The following UNC13C variants were observed in gnomAD, a reference collection of about 807,000 sequenced individuals.
UNC13C encodes protein unc-13 homolog C.
A neutral mutation model predicts 245.4 loss-of-function variants in UNC13C; 174 were observed. The observed-to-expected ratio is 0.71, with a 90% CI of 0.63 to 0.80. UNC13C has a LOEUF of 0.80. UNC13C is among the 30% of genes least tolerant of loss of function. The pLI is 0.00. For synonymous variants in UNC13C, 992 were observed against 895.1 expected (o/e 1.11, Z -1.93); for missense variants, 2,829 against 2,602.9 (o/e 1.09, Z -1.89).
chr15:54,255,224 G>A (rs1417730742), intron 8 of UNC13C, among the ~76,000 whole-genome samples: 1 of 152,168 alleles, frequency 6.6e-6, no homozygotes, highest in Non-Finnish European at 1.5e-5. Context: ...CGCAAGGACA[G>A]AGGGCTTTCT....
At chr15:54,549,064 A>G (rs1021344998) in intron 27 of UNC13C, among the ~76,000 whole-genome samples, 2 of 152,200 alleles carry the variant, frequency 1.3e-5, no homozygotes, top group Admixed American at 6.5e-5. Flanking sequence ...TTCCAGTCAC[A>G]TACACCAACA....
At chr15:54,399,692 G>T (rs2040142629) in intron 18 of UNC13C, among the ~76,000 whole-genome samples, 1 of 151,792 alleles carries the variant, frequency 6.6e-6, no homozygotes, top group Admixed American at 6.6e-5. Flanking sequence ...CATTTGCAAG[G>T]ATAAAATCTG....
intron 25 of UNC13C, among the ~76,000 whole-genome samples, chr15:54,527,446 T>C (rs547446227): frequency 2.1e-4 from 32 of 152,298 alleles, no homozygotes; most frequent in Admixed American, 1.7e-3. Flanking sequence ...GAAAATAAGA[T>C]GACTAAACAG....
chr15:54,349,849 T>G (rs951664969), intron 17 of UNC13C, among the ~76,000 whole-genome samples: 2 of 152,114 alleles, frequency 1.3e-5, no homozygotes, highest in Non-Finnish European at 2.9e-5. Flanking sequence ...TAAAATGTAG[T>G]GGGTACATAT....
chr15:53,855,733 G>A, the UNC13C span, among the ~76,000 whole-genome samples: 4 of 152,154 alleles, frequency 2.6e-5, no homozygotes, highest in South Asian at 6.2e-4. Context: ...GTTGGTGAAA[G>A]ATATTGGCCT....
At chr15:53,886,273 C>T in the UNC13C span, among the ~76,000 whole-genome samples, 16 of 152,044 alleles carry the variant, frequency 1.1e-4, no homozygotes, top group Admixed American at 1.0e-3. Context: ...AGGACTGGGG[C>T]ATATACAAGA....
chr15:54,472,777 T>C (rs979460114), intron 19 of UNC13C, among the ~76,000 whole-genome samples: 7 of 151,968 alleles, frequency 4.6e-5, no homozygotes, highest in African/African-American at 1.4e-4. Context: ...ATAGACGTTC[T>C]CACATATATA....
chr15:54,534,720 A>G (rs1424406488), intron 26 of UNC13C, among the ~76,000 whole-genome samples: 2 of 152,194 alleles, frequency 1.3e-5, no homozygotes, highest in Non-Finnish European at 2.9e-5. Flanking sequence ...CAAAATAGCC[A>G]TTTTAAGAAA....
At chr15:54,293,832 T>C in intron 10 of UNC13C, 63 bp from the exon 11 acceptor site, 2 of 1,339,016 alleles carry the variant, frequency 1.5e-6, no homozygotes, top group East Asian at 2.7e-5. Flanking sequence ...AATAAAGTAC[T>C]AACATCAAAT....
intron 13 of UNC13C, among the ~76,000 whole-genome samples, chr15:54,317,238 G>A (rs1285474410): frequency 1.3e-5 from 2 of 151,880 alleles, no homozygotes; most frequent in African/African-American, 2.4e-5. Context: ...TAACTTTTCT[G>A]TGAATAACAT....
the UNC13C span, among the ~76,000 whole-genome samples, chr15:53,890,499 T>A: frequency 9.8e-4 from 149 of 152,310 alleles, 1 homozygote; most frequent in African/African-American, 3.4e-3. Flanking sequence ...GGTCCTGGAC[T>A]TTTTTGGGTT....
At chr15:54,314,652 G>C (rs1024801072) in intron 13 of UNC13C, among the ~76,000 whole-genome samples, 8 of 151,628 alleles carry the variant, frequency 5.3e-5, no homozygotes, top group Non-Finnish European at 1.5e-5. Flanking sequence ...TTAGACTTCA[G>C]AAACATTGGC....
At chr15:54,279,732 C>T (rs1222612841) in intron 10 of UNC13C, among the ~76,000 whole-genome samples, 3 of 152,106 alleles carry the variant, frequency 2.0e-5, no homozygotes, top group African/African-American at 7.2e-5. Context: ...TTTTCTCTGG[C>T]AAGAAATATT....
At chr15:54,107,315 G>A (rs1465675786) in intron 2 of UNC13C, among the ~76,000 whole-genome samples, 1 of 152,036 alleles carries the variant, frequency 6.6e-6, no homozygotes, top group African/African-American at 2.4e-5. Flanking sequence ...ACAAAAAAAT[G>A]TATTTTAAAT....
chr15:54,116,973 G>A (rs186602355), intron 2 of UNC13C, among the ~76,000 whole-genome samples: 5 of 152,194 alleles, frequency 3.3e-5, no homozygotes, highest in Admixed American at 2.6e-4. Flanking sequence ...GTTTTAGCTA[G>A]GGTAAGATGA....
the UNC13C span, among the ~76,000 whole-genome samples, chr15:53,843,822 T>C: frequency 3.9e-5 from 6 of 152,184 alleles, no homozygotes; most frequent in Non-Finnish European, 7.4e-5. Context: ...AAGTCACTAG[T>C]GAGAGGAAGT....
intron 26 of UNC13C, among the ~76,000 whole-genome samples, chr15:54,544,349 G>A (rs1448514715): frequency 6.6e-6 from 1 of 152,120 alleles, no homozygotes; most frequent in Admixed American, 6.6e-5. Flanking sequence ...CATACTGAAT[G>A]GGCAAAAGCT....
intron 10 of UNC13C, among the ~76,000 whole-genome samples, chr15:54,282,907 G>A (rs1207097308): frequency 1.3e-5 from 2 of 152,152 alleles, no homozygotes; most frequent in Non-Finnish European, 2.9e-5. Flanking sequence ...CTCCTCTACT[G>A]ACTGAATCTG....
chr15:53,962,191 C>T, the UNC13C span, among the ~76,000 whole-genome samples: 7,109 of 152,060 alleles, frequency 0.047, 269 homozygotes, highest in African/African-American at 0.1. Flanking sequence ...AACTCTACTG[C>T]CTATTTAATA....
Sources: allele counts gnomAD v4.1 joint callset (sites outside exome capture counted in the v4.1 genomes callset), GRCh38; gene constraint gnomAD v4.1.1; transcripts MANE v1.5; gene names NCBI Gene and HGNC (gene_info 2026-07-23, HGNC 2026-07-21).